Variants in ZNF496 observed in about 807,000 individuals in gnomAD.
ZNF496 encodes the protein NSD1 (nuclear receptor binding SET-domain containing 1)-interacting zinc finger protein 1.
Under a neutral mutation model 58.9 loss-of-function variants are expected in ZNF496, and 11 were observed. That is an observed-to-expected ratio of 0.19 (90% CI 0.12 to 0.31). The LOEUF (loss-of-function observed/expected upper bound fraction) is 0.31. ZNF496 is among the 10% of genes least tolerant of loss of function. The pLI, the probability that ZNF496 is intolerant of heterozygous loss-of-function variation, is 1.00. For synonymous variants in ZNF496, 338 were observed against 318.2 expected, an observed-to-expected ratio of 1.06 and a Z score of -0.66; for missense variants, 660 against 783.0, an observed-to-expected ratio of 0.84 and a Z score of 1.88.
At chr1:247,303,264 G>C (rs1168413529) in intron 9 of ZNF496, among the ~76,000 whole-genome samples, 1 of 152,224 alleles carries the variant, frequency 6.6e-6, no homozygotes, top group Non-Finnish European at 1.5e-5. Flanking sequence ...GGCCTTGGAA[G>C]ACACCAGCTC....
intron 5 of ZNF496, among the ~76,000 whole-genome samples, chr1:247,324,079 G>GAAAAAA (rs61548661): frequency 6.9e-4 from 61 of 88,002 alleles, no homozygotes; most frequent in Non-Finnish European, 7.6e-4. Flanking sequence ...TGTCTCAAAT[G>GAAAAAA]AAAAAAAAAA....
rs1281827713 is a variant in ZNF496 at position 247,326,053 on chromosome 1, C to T, written c.574+2630G>A. On this transcript the variant is annotated intron_variant, in intron 5 of 9. Coordinates refer to ENST00000682384, the MANE Select transcript of ZNF496 (RefSeq NM_032752.3). ...ATACACACGCATATATATATATACA[C>T]ACACACACACATATATACACACACA... is the stretch of plus-strand genomic sequence containing the variant. Among the ~76,000 whole-genome samples, 3 of 80,324 alleles carry T rather than the reference C, an allele frequency of 3.7e-5. 1 individual carries two copies. The highest frequency in any genetic ancestry group is 6.9e-4 in the East Asian group (1 of 1,446). The allele number at this position is 80,324 out of a possible 152,430, so 52.7% of individuals were successfully genotyped here.
At position 247,301,361 on chromosome 1, in the gene ZNF496, G is replaced by A. The variant is rs865778672; in HGVS notation, c.1007-85C>T. 3.4e-5 allele frequency: 49 copies of A among 1,460,620 alleles called. No individual in the cohort carries two copies. The Middle Eastern group carries it at 2.0e-3, about 60-fold the overall frequency. 90.5% of individuals were successfully genotyped at this position (1,460,620 alleles called of 1,614,324 possible). On this transcript the variant is annotated intron_variant, in intron 9 of 9. Transcript: ENST00000682384. ...ACCGCGGCGGAGGAACACTCAGCTT[G>A]GAGTTTACAAACCCGTGTTTTTACA...
At chr1:247,307,262 A>G in intron 9 of ZNF496, 2 of 985,448 alleles carry the variant, frequency 2.0e-6, no homozygotes, top group Non-Finnish European at 2.4e-6. Flanking sequence ...AAATAAGTAC[A>G]GTGCCCACTC....
intron 6 of ZNF496, chr1:247,313,650 G>A (rs1456799299): frequency 1.3e-5 from 2 of 152,172 alleles, no homozygotes; most frequent in African/African-American, 2.4e-5. Context: ...CCACCCTTCC[G>A]TGCAGGGATT....
chr1:247,321,906 G>C (rs557873399), intron 6 of ZNF496, among the ~76,000 whole-genome samples: 19 of 152,364 alleles, frequency 1.2e-4, no homozygotes, highest in African/African-American at 4.6e-4. Context: ...TTCTGGTGGG[G>C]CAAAAGCAAG....
chr1:247,316,594 A>G (rs1049253812), intron 6 of ZNF496, among the ~76,000 whole-genome samples: 1 of 152,272 alleles, frequency 6.6e-6, no homozygotes, highest in Admixed American at 6.5e-5. Flanking sequence ...CACCAGATGG[A>G]GCCCCTCAAC....
chr1:247,326,866 GAGA>G (rs1553273726), intron 5 of ZNF496, among the ~76,000 whole-genome samples: 1 of 152,164 alleles, frequency 6.6e-6, no homozygotes, highest in Non-Finnish European at 1.5e-5. Flanking sequence ...GACCCAGAGA[GAGA>G]AGGTGTCTGT....
At chr1:247,301,516 C>A (rs987053068) in intron 9 of ZNF496, among the ~76,000 whole-genome samples, 1 of 152,142 alleles carries the variant, frequency 6.6e-6, no homozygotes, top group Admixed American at 6.5e-5. Context: ...TCCCTCTTCC[C>A]AGCCATTTTC....
rs67977969 is a variant in ZNF496, at chr1:247,315,060, C to CTT, written c.652-4606_652-4605dup. On this transcript the variant is annotated intron_variant, in intron 6 of 9. Transcript: ENST00000682384. ...GCCACCAAGCCCAGCCTTGACTAGTCTTTTTTTTTTTTTTTTTTTTTTAAA... is the reference window on the plus strand; with the variant it reads ...GCCACCAAGCCCAGCCTTGACTAGTCTTTTTTTTTTTTTTTTTTTTTTTTAAA... Among the ~76,000 whole-genome samples the CTT allele has an allele frequency of 5.1e-3, 620 of 121,444 alleles. 5 individuals are homozygous for CTT. The highest frequency in any genetic ancestry group is 8.4e-3 in the Admixed American group (93 of 11,052). The allele number at this position is 121,444 out of a possible 152,430, so 79.7% of individuals were successfully genotyped here.
rs902039466 is a variant in ZNF496 at position 247,310,205 on chromosome 1, G to A, written c.784+119C>T. On this transcript the variant is annotated intron_variant, in intron 7 of 9. Coordinates refer to ENST00000682384, the MANE Select transcript of ZNF496 (RefSeq NM_032752.3). ...CCTGTCCAGGTTGGGGGTGAACAGAGAGATCTGATGCAGGCCCCGCTTCCC... is the reference window on the plus strand; with the variant it reads ...CCTGTCCAGGTTGGGGGTGAACAGAAAGATCTGATGCAGGCCCCGCTTCCC... The A allele has an allele frequency of 7.3e-6, 11 of 1,516,954 alleles. No homozygotes were observed. In the African/African-American group the frequency reaches 1.4e-4, roughly 19 times the overall value. 94.0% of individuals were successfully genotyped at this position (1,516,954 alleles called of 1,614,324 possible).
At chr1:247,302,304 C>A (rs1255489625) in intron 9 of ZNF496, among the ~76,000 whole-genome samples, 1 of 151,854 alleles carries the variant, frequency 6.6e-6, no homozygotes, top group African/African-American at 2.4e-5. Context: ...CAGGAAGACA[C>A]AGAGGCTATG....
rs1327458576 is a variant in ZNF496, at chr1:247,329,626, A to G, written c.-37-11T>C. 6.6e-7 allele frequency: 1 copy of G among 1,514,474 alleles called. No individual in the cohort carries two copies. The highest frequency in any genetic ancestry group is 2.3e-5 in the East Asian group (1 of 43,946). The allele number at this position is 1,514,474 out of a possible 1,614,324, so 93.8% of individuals were successfully genotyped here. On this transcript the variant is annotated splice_polypyrimidine_tract_variant and intron_variant, in intron 3 of 9. Transcript: ENST00000682384. This position sits in a 1 kb window ranked among gnomAD's most constrained non-coding sequence, Gnocchi z 5.5. Reference sequence around the variant, plus strand: ...CAGCAGAAGACGACCCTATTTCCAAACAGAAATCACTGGCTTCAGTGTTCT... The same window carrying G: ...CAGCAGAAGACGACCCTATTTCCAAGCAGAAATCACTGGCTTCAGTGTTCT...
At chr1:247,310,552 C>T (rs1412944558) in intron 6 of ZNF496, 96 bp from the exon 7 acceptor site, 15 of 1,485,190 alleles carry the variant, frequency 1.0e-5, no homozygotes, top group East Asian at 2.3e-5. Flanking sequence ...CGCTGTAGGA[C>T]GGGCAGTTTC....
intron 6 of ZNF496, among the ~76,000 whole-genome samples, chr1:247,316,565 C>A (rs1435386467): frequency 6.6e-6 from 1 of 152,106 alleles, no homozygotes; most frequent in African/African-American, 2.4e-5. Context: ...CACAGAGCCC[C>A]CACCAGCACG....
chr1:247,307,082 G>T (rs1659438232), intron 9 of ZNF496: 1 of 984,904 alleles, frequency 1.0e-6, no homozygotes, highest in South Asian at 4.7e-5. Context: ...AACAAGAAAA[G>T]ATATTCCACC....
At chr1:247,314,681 TGTC>T (rs776252738) in intron 6 of ZNF496, among the ~76,000 whole-genome samples, 1 of 152,208 alleles carries the variant, frequency 6.6e-6, no homozygotes, top group Non-Finnish European at 1.5e-5. Flanking sequence ...TATCAGTTAC[TGTC>T]AGATGGTTTC....
At chr1:247,331,260 G>A (rs1267437824) in intron 2 of ZNF496, among the ~76,000 whole-genome samples, 172 bp downstream of exon 2, 1 of 152,226 alleles carries the variant, frequency 6.6e-6, no homozygotes, top group Non-Finnish European at 1.5e-5. Flanking sequence ...GCGGAGGAGG[G>A]CCCCGCAGGG....
chr1:247,324,667 G>A (rs1299570449), intron 5 of ZNF496, among the ~76,000 whole-genome samples: 1 of 151,932 alleles, frequency 6.6e-6, no homozygotes, highest in Admixed American at 6.6e-5. Context: ...TAAGTAGCTT[G>A]GTTTAATCAT....
Sources: gnomAD v4.1 joint callset for allele counts (sites outside exome capture counted in the v4.1 genomes callset) on GRCh38, gnomAD v4.1.1 for gene constraint, Gnocchi (gnomAD v3.1) non-coding constraint, MANE v1.5 for transcripts, NCBI Gene and HGNC (gene_info 2026-07-23, HGNC 2026-07-21) for gene names.